The following KCNQ5 variants were observed in gnomAD, a reference collection of about 807,000 sequenced individuals.
KCNQ5 encodes potassium voltage-gated channel subfamily Q member 5.
A neutral mutation model predicts 98.2 loss-of-function variants in KCNQ5; 30 were observed. The ratio of observed to expected loss-of-function variants is 0.31; its 90% CI spans 0.23 to 0.41. KCNQ5 has a LOEUF of 0.41. Ranked by LOEUF, KCNQ5 falls within the 10% of genes least tolerant of loss-of-function variation. KCNQ5 has a pLI of 1.00. For synonymous variants in KCNQ5, 458 were observed against 449.4 expected (o/e 1.02, Z -0.24); for missense variants, 835 against 1,182.5 (o/e 0.71, Z 4.31).
intron 11 of KCNQ5, among the ~76,000 whole-genome samples, chr6:73,189,173 T>C (rs4631235): frequency 0.031 from 4,659 of 152,216 alleles, 91 homozygotes; most frequent in East Asian, 0.068. Flanking sequence ...GGTAAACCAA[T>C]TTGGAACCAA....
intron 11 of KCNQ5, among the ~76,000 whole-genome samples, chr6:73,186,975 T>C (rs1765389428): frequency 6.6e-6 from 1 of 152,118 alleles, no homozygotes. Flanking sequence ...TGGGAAGTGA[T>C]GTTCCCCGCC....
chr6:72,997,752 C>T (rs1408937508), intron 1 of KCNQ5, among the ~76,000 whole-genome samples: 1 of 134,282 alleles, frequency 7.4e-6, no homozygotes, highest in African/African-American at 2.9e-5. Flanking sequence ...CACTGCACTC[C>T]AGCCTGGGTG....
At chr6:73,109,390 C>A (rs768963844) in intron 6 of KCNQ5, among the ~76,000 whole-genome samples, 2 of 152,106 alleles carry the variant, frequency 1.3e-5, no homozygotes, top group African/African-American at 2.4e-5. Context: ...CTAAATTATG[C>A]TCCATACAAG....
chr6:72,893,920 G>C (rs1232987688), intron 1 of KCNQ5, among the ~76,000 whole-genome samples: 1 of 152,156 alleles, frequency 6.6e-6, no homozygotes, highest in African/African-American at 2.4e-5. Context: ...GCTCCTAGCA[G>C]GGATTCTCAT....
chr6:72,986,711 T>C (rs1582142557), intron 1 of KCNQ5: 1 of 1,308,324 alleles, frequency 7.6e-7, no homozygotes. Context: ...AAAGAAGAAG[T>C]CACCTCCAGC....
intron 1 of KCNQ5, among the ~76,000 whole-genome samples, chr6:72,934,306 A>T (rs1265720411): frequency 6.6e-6 from 1 of 152,162 alleles, no homozygotes; most frequent in Non-Finnish European, 1.5e-5. Flanking sequence ...ATGACTGATG[A>T]TGACAACAAT....
intron 1 of KCNQ5, among the ~76,000 whole-genome samples, chr6:72,896,815 G>T (rs901474922): frequency 6.6e-6 from 1 of 152,110 alleles, no homozygotes; most frequent in African/African-American, 2.4e-5. Context: ...TTTGCTGTGT[G>T]GTGGTCACAG....
At chr6:72,917,707 G>A (rs970898166) in intron 1 of KCNQ5, among the ~76,000 whole-genome samples, 19 of 151,944 alleles carry the variant, frequency 1.3e-4, no homozygotes, top group Middle Eastern at 3.4e-3. Flanking sequence ...TCTTGGCCTC[G>A]TGATCCGCCT....
chr6:72,680,549 A>C (rs75499112), intron 1 of KCNQ5, among the ~76,000 whole-genome samples: 1 of 152,202 alleles, frequency 6.6e-6, no homozygotes, highest in Non-Finnish European at 1.5e-5. Context: ...TTCTCTCTCA[A>C]ATTAAACAAA....
chr6:73,068,039 T>C (rs1471432216), intron 3 of KCNQ5, among the ~76,000 whole-genome samples: 1 of 152,186 alleles, frequency 6.6e-6, no homozygotes, highest in Non-Finnish European at 1.5e-5. Flanking sequence ...CTCACACCTG[T>C]AATCCCAGCA....
intron 1 of KCNQ5, among the ~76,000 whole-genome samples, chr6:72,725,182 A>G (rs539821317): frequency 4.6e-5 from 7 of 152,310 alleles, no homozygotes; most frequent in African/African-American, 1.7e-4. Context: ...AGACTTTTTA[A>G]TGCAGTATGA....
intron 2 of KCNQ5, among the ~76,000 whole-genome samples, chr6:73,021,830 G>A (rs1770618404): frequency 6.6e-6 from 1 of 152,122 alleles, no homozygotes. Context: ...AAAGGCAACT[G>A]TAATTAAGTA....
At chr6:72,895,957 A>G (rs1779236946) in intron 1 of KCNQ5, among the ~76,000 whole-genome samples, 2 of 152,098 alleles carry the variant, frequency 1.3e-5, no homozygotes, top group Admixed American at 1.3e-4. Flanking sequence ...GACAAATTAT[A>G]AGATAGTTGG....
intron 11 of KCNQ5, among the ~76,000 whole-genome samples, chr6:73,171,746 A>C (rs1778024725): frequency 6.6e-6 from 1 of 152,188 alleles, no homozygotes; most frequent in Admixed American, 6.5e-5. Context: ...GAAATTTTTC[A>C]CATGTTGAGT....
intron 1 of KCNQ5, among the ~76,000 whole-genome samples, chr6:72,800,518 T>C (rs1774586812): frequency 6.6e-6 from 1 of 152,188 alleles, no homozygotes; most frequent in African/African-American, 2.4e-5. Context: ...TTCTCTCTTT[T>C]CTTCTTTATT....
rs1245950536 is a variant in KCNQ5, at chr6:72,856,735, T to C, written c.399-147173T>C. Reference sequence around the variant, plus strand: ...TTATCTAATGACAAAGAAATATTTGTGCATTAATTAAAATTGATTGATGAA... The same window carrying C: ...TTATCTAATGACAAAGAAATATTTGCGCATTAATTAAAATTGATTGATGAA... On this transcript the variant is annotated intron_variant, in intron 1 of 13. Transcript: ENST00000370398. 2.6e-5 allele frequency among the ~76,000 whole-genome samples: 4 copies of C among 152,214 alleles called. No individual in the cohort carries two copies. In the South Asian group the frequency reaches 6.2e-4, roughly 24 times the overall value.
chr6:72,958,709 A>C (rs1216839992), intron 1 of KCNQ5, among the ~76,000 whole-genome samples: 1 of 152,260 alleles, frequency 6.6e-6, no homozygotes, highest in Non-Finnish European at 1.5e-5. Flanking sequence ...ACTAAGGTCA[A>C]GAATCAGGTA....
intron 3 of KCNQ5, among the ~76,000 whole-genome samples, chr6:73,054,520 G>T (rs1041809213): frequency 6.6e-6 from 1 of 152,134 alleles, no homozygotes. Context: ...TCGTCCCTGG[G>T]ACACAAGTTT....
At chr6:72,625,308 C>T (rs1315768100) in intron 1 of KCNQ5, among the ~76,000 whole-genome samples, 6 of 152,206 alleles carry the variant, frequency 3.9e-5, no homozygotes, top group Non-Finnish European at 7.4e-5. Context: ...GGATGACCTA[C>T]TTCAAATATT....
Sources: gnomAD v4.1 joint callset for allele counts (sites outside exome capture counted in the v4.1 genomes callset) on GRCh38, gnomAD v4.1.1 for gene constraint, MANE v1.5 for transcripts, NCBI Gene and HGNC (gene_info 2026-07-23, HGNC 2026-07-21) for gene names.